DPP10: variants seen among roughly 807,000 people sequenced by gnomAD.
DPP10 encodes the protein dipeptidyl peptidase like 10.
Under a neutral mutation model 120.9 loss-of-function variants are expected in DPP10, and 33 were observed. That is an observed-to-expected ratio of 0.27 (90% confidence interval 0.21 to 0.37). DPP10 has a LOEUF of 0.37. Ranked by LOEUF, DPP10 falls within the 10% of genes least tolerant of loss-of-function variation. The probability of loss-of-function intolerance (pLI) is 1.00; values close to 1 mark genes in which losing one functional copy is unlikely to be tolerated. For missense variants in DPP10, 816 were observed against 942.8 expected (o/e 0.87, Z 1.76); for synonymous variants, 337 against 326.1 (o/e 1.03, Z -0.36).
In DPP10 at chr2:115,194,796, G is replaced by A. The variant is rs374315865; in HGVS notation, c.61-114443G>A. On this transcript the variant is annotated intron_variant, in intron 1 of 25. Coordinates refer to ENST00000410059, the MANE Select transcript of DPP10 (RefSeq NM_020868.6). ...AGGACTAGAATGGACATTTATGAGT[G>A]ATGTTTAACATAACAATGCCACCTG... Among the ~76,000 whole-genome samples the A allele has an allele frequency of 1.2e-4, 18 of 152,280 alleles. No individual in the cohort carries two copies. In the East Asian group the frequency reaches 2.9e-3, roughly 25 times the overall value.
chr2:115,407,327 T>G (rs2068590637), intron 3 of DPP10, among the ~76,000 whole-genome samples: 1 of 152,212 alleles, frequency 6.6e-6, no homozygotes, highest in Non-Finnish European at 1.5e-5. Context: ...CTCCTGTCTC[T>G]ATCATTCCCC....
chr2:114,460,197 C>G (rs533269151), intron 1 of DPP10, among the ~76,000 whole-genome samples: 68 of 151,870 alleles, frequency 4.5e-4, no homozygotes, highest in African/African-American at 1.4e-3. Flanking sequence ...ATCTATCTAT[C>G]TATCTATCTA....
chr2:115,144,525 A>T (rs2104859418), intron 1 of DPP10, among the ~76,000 whole-genome samples: 1 of 151,744 alleles, frequency 6.6e-6, no homozygotes, highest in African/African-American at 2.4e-5. Flanking sequence ...TCAATCAGAA[A>T]ATTAGGCAGG....
chr2:115,211,962 C>T (rs1298364273), intron 1 of DPP10, among the ~76,000 whole-genome samples: 2 of 152,080 alleles, frequency 1.3e-5, no homozygotes, highest in African/African-American at 2.4e-5. Context: ...CAGGTCAACA[C>T]CCTTGGATTT....
intron 3 of DPP10, among the ~76,000 whole-genome samples, chr2:115,484,183 C>T (rs1231526064): frequency 6.6e-6 from 1 of 151,802 alleles, no homozygotes; most frequent in Admixed American, 6.6e-5. Flanking sequence ...CATACATGTG[C>T]ACATAGTCAA....
chr2:115,562,010 G>A (rs993647089), intron 5 of DPP10, among the ~76,000 whole-genome samples: 3 of 152,016 alleles, frequency 2.0e-5, no homozygotes, highest in Non-Finnish European at 4.4e-5. Context: ...CACAACCCTG[G>A]TAGCCTTTTA....
intron 1 of DPP10, among the ~76,000 whole-genome samples, chr2:114,584,871 G>T (rs1243122432): frequency 6.6e-6 from 1 of 152,054 alleles, no homozygotes. Context: ...CCACCATGAA[G>T]ACTTGAACAT....
At chr2:115,473,109 A>G (rs1712002) in intron 3 of DPP10, among the ~76,000 whole-genome samples, 83,725 of 152,080 alleles carry the variant, frequency 0.55, 24,537 homozygotes, top group Non-Finnish European at 0.67. Context: ...CCTAATTATT[A>G]TAACATATTG....
At chr2:115,620,138 T>G (rs1260059998) in intron 5 of DPP10, among the ~76,000 whole-genome samples, 4 of 152,292 alleles carry the variant, frequency 2.6e-5, no homozygotes, top group African/African-American at 2.4e-5. Context: ...GCCAAGTCTT[T>G]CTCCCCGAAC....
At chr2:114,609,958 G>A (rs1315744255) in intron 1 of DPP10, among the ~76,000 whole-genome samples, 1 of 152,132 alleles carries the variant, frequency 6.6e-6, no homozygotes. Context: ...GCACAATAGA[G>A]ATCTGAGCTG....
chr2:114,593,382 C>G (rs1002775560), intron 1 of DPP10, among the ~76,000 whole-genome samples: 1 of 152,090 alleles, frequency 6.6e-6, no homozygotes, highest in African/African-American at 2.4e-5. Context: ...CTAAGAGCAG[C>G]TTTGCATAGG....
At chr2:114,552,472 T>C (rs1687958882) in intron 1 of DPP10, among the ~76,000 whole-genome samples, 1 of 152,234 alleles carries the variant, frequency 6.6e-6, no homozygotes, top group South Asian at 2.1e-4. Context: ...GTAACAATTA[T>C]GGAATAAACG....
intron 11 of DPP10, 80 bp downstream of exon 11, chr2:115,753,377 T>A (rs183817640): frequency 1.5e-6 from 2 of 1,361,264 alleles, no homozygotes; most frequent in Admixed American, 2.6e-5. Flanking sequence ...GGAAATGCTT[T>A]GTACAAAAAA....
chr2:114,628,153 A>G (rs1377323298), intron 1 of DPP10, among the ~76,000 whole-genome samples: 4 of 152,152 alleles, frequency 2.6e-5, no homozygotes, highest in Non-Finnish European at 4.4e-5. Context: ...GACAGGTGAC[A>G]TTATTTTCTT....
intron 1 of DPP10, among the ~76,000 whole-genome samples, chr2:114,830,063 G>C (rs577197653): frequency 2.2e-4 from 33 of 152,054 alleles, no homozygotes; most frequent in African/African-American, 5.3e-4. Context: ...GGCCGAAAAC[G>C]CCTCCCTCAC....
intron 1 of DPP10, among the ~76,000 whole-genome samples, chr2:114,941,676 G>A (rs1014918768): frequency 2.0e-5 from 3 of 152,132 alleles, no homozygotes; most frequent in African/African-American, 4.8e-5. Flanking sequence ...TTAATTCAAT[G>A]TCATGAAAAT....
At chr2:114,853,140 G>T (rs1039077429) in intron 1 of DPP10, among the ~76,000 whole-genome samples, 2 of 152,126 alleles carry the variant, frequency 1.3e-5, no homozygotes, top group African/African-American at 4.8e-5. Context: ...GGTGATAGAG[G>T]TCAGAATAGT....
intron 1 of DPP10, among the ~76,000 whole-genome samples, chr2:114,942,298 C>CATATATATATATATATATATATACAT (rs1696975382): frequency 1.9e-5 from 2 of 104,698 alleles, no homozygotes; most frequent in Non-Finnish European, 3.8e-5. Flanking sequence ...TATATATATA[C>CATATATATATATATATATATATACAT]ATATATATAT....
chr2:115,146,812 G>A (rs2051248400), intron 1 of DPP10, among the ~76,000 whole-genome samples: 1 of 152,104 alleles, frequency 6.6e-6, no homozygotes, highest in African/African-American at 2.4e-5. Flanking sequence ...TAGACAGGTA[G>A]CTTGCTCCTT....
Sources: allele counts gnomAD v4.1 joint callset (sites outside exome capture counted in the v4.1 genomes callset), GRCh38; gene constraint gnomAD v4.1.1; transcripts MANE v1.5; gene names NCBI Gene and HGNC (gene_info 2026-07-23, HGNC 2026-07-21).